The following WDFY2 variants were observed in gnomAD, a reference collection of about 807,000 sequenced individuals.
WDFY2 encodes the protein WD repeat and FYVE domain-containing protein 2.
Under a neutral mutation model 56.4 loss-of-function variants are expected in WDFY2, and 36 were observed. That is an observed-to-expected ratio of 0.64 (90% CI 0.49 to 0.84). The LOEUF (loss-of-function observed/expected upper bound fraction) is 0.84, where lower values mean the gene tolerates loss of function less well. WDFY2 is among the 40% of genes least tolerant of loss of function. The pLI, the probability that WDFY2 is intolerant of heterozygous loss-of-function variation, is 0.00. For synonymous variants in WDFY2, 176 were observed against 183.7 expected (o/e 0.96, Z 0.34); for missense variants, 444 against 512.2 (o/e 0.87, Z 1.29).
At chr13:51,695,403 C>T (rs1018162635) in intron 3 of WDFY2, among the ~76,000 whole-genome samples, 1 of 152,218 alleles carries the variant, frequency 6.6e-6, no homozygotes, top group African/African-American at 2.4e-5. Context: ...TTGTAACAGA[C>T]AGGACCCTCA....
intron 1 of WDFY2, among the ~76,000 whole-genome samples, chr13:51,632,315 T>C (rs1051536213): frequency 6.6e-6 from 1 of 152,316 alleles, no homozygotes; most frequent in East Asian, 1.9e-4. Context: ...TGAATAATTA[T>C]ATTCTAAAAA....
intron 2 of WDFY2, among the ~76,000 whole-genome samples, chr13:51,673,953 T>G (rs1305421465): frequency 6.6e-6 from 1 of 152,190 alleles, no homozygotes; most frequent in Non-Finnish European, 1.5e-5. Context: ...AGAAGGTCTT[T>G]TTGTTGTTTT....
chr13:51,681,186 G>A (rs951258506), intron 3 of WDFY2, among the ~76,000 whole-genome samples: 12 of 152,114 alleles, frequency 7.9e-5, no homozygotes, highest in African/African-American at 2.4e-4. Context: ...AGTTCACTCT[G>A]CTGGAGAGAC....
intron 1 of WDFY2, among the ~76,000 whole-genome samples, chr13:51,585,240 C>A (rs1566294889): frequency 6.6e-6 from 1 of 152,248 alleles, no homozygotes; most frequent in Non-Finnish European, 1.5e-5. Flanking sequence ...TCTCGTACAG[C>A]TCCCAGGGTT....
At chr13:51,601,125 A>G (rs1305535874) in intron 1 of WDFY2, among the ~76,000 whole-genome samples, 1 of 152,206 alleles carries the variant, frequency 6.6e-6, no homozygotes, top group Non-Finnish European at 1.5e-5. Context: ...GTAAAAACAC[A>G]TGGCTCAACA....
chr13:51,607,650 T>A (rs1225835032), intron 1 of WDFY2, among the ~76,000 whole-genome samples: 1 of 151,874 alleles, frequency 6.6e-6, no homozygotes, highest in Admixed American at 6.6e-5. Context: ...ACAACAAAAA[T>A]TCAATGTAAA....
intron 1 of WDFY2, among the ~76,000 whole-genome samples, chr13:51,600,711 G>C (rs1593860766): frequency 1.3e-5 from 2 of 152,264 alleles, no homozygotes; most frequent in African/African-American, 4.8e-5. Context: ...GGGGAGAGGA[G>C]GGAAGGGAGG....
intron 1 of WDFY2, 35 bp downstream of exon 1, chr13:51,584,859 C>T: frequency 6.2e-7 from 1 of 1,608,708 alleles, no homozygotes; most frequent in Non-Finnish European, 8.5e-7. Flanking sequence ...CGAGGAGGGG[C>T]GGGACGGGCC....
chr13:51,644,068 G>A (rs776840209), intron 1 of WDFY2, among the ~76,000 whole-genome samples: 1 of 151,788 alleles, frequency 6.6e-6, no homozygotes, highest in Non-Finnish European at 1.5e-5. Context: ...AATTGCCAAG[G>A]CTTCATAGGG....
intron 1 of WDFY2, among the ~76,000 whole-genome samples, chr13:51,633,733 A>G (rs1196490888): frequency 6.6e-6 from 1 of 152,236 alleles, no homozygotes; most frequent in Non-Finnish European, 1.5e-5. Flanking sequence ...ATTCTAGACC[A>G]TCACAGGTAA....
chr13:51,681,451 TG>T (rs1386008355), intron 3 of WDFY2, among the ~76,000 whole-genome samples: 1 of 152,184 alleles, frequency 6.6e-6, no homozygotes, highest in African/African-American at 2.4e-5. Context: ...GTGGAATCTA[TG>T]GGGCCTCCTC....
chr13:51,715,059 C>G (rs2138617212), intron 4 of WDFY2, among the ~76,000 whole-genome samples: 1 of 152,302 alleles, frequency 6.6e-6, no homozygotes, highest in Non-Finnish European at 1.5e-5. Flanking sequence ...AGGGCACTTA[C>G]CATGAATGGA....
chr13:51,732,155 G>A (rs538886639), intron 6 of WDFY2, among the ~76,000 whole-genome samples: 41 of 152,044 alleles, frequency 2.7e-4, no homozygotes, highest in African/African-American at 9.6e-4. Context: ...TTTTGAGACA[G>A]AATCTCGCTC....
At chr13:51,707,971 T>TTG (rs1952123427) in intron 4 of WDFY2, among the ~76,000 whole-genome samples, 1 of 129,434 alleles carries the variant, frequency 7.7e-6, no homozygotes, top group Non-Finnish European at 1.6e-5. Context: ...TTTTTTTTTT[T>TTG]GGAGACTGAG....
chr13:51,747,535 A>C (rs1255618278), intron 7 of WDFY2, among the ~76,000 whole-genome samples: 4 of 152,180 alleles, frequency 2.6e-5, no homozygotes, highest in Non-Finnish European at 5.9e-5. Flanking sequence ...CTTTTTAAAA[A>C]ATTGTTTGCT....
At position 51,671,150 on chromosome 13, in the gene WDFY2, A is replaced by G. The variant is rs1030537586; in HGVS notation, c.206-4020A>G. Among the ~76,000 whole-genome samples, 10 of 152,196 alleles carry G rather than the reference A, an allele frequency of 6.6e-5. No homozygotes were observed. In the East Asian group the frequency reaches 7.7e-4, roughly 12 times the overall value. ...TTTGGGCTGGTTCCATGTTTTTGCA[A>G]TTGTGAGTTGTGCTGCTATAAACAT... is the stretch of plus-strand genomic sequence containing the variant. On this transcript the variant is annotated intron_variant, in intron 2 of 11. Coordinates refer to ENST00000298125, the MANE Select transcript of WDFY2 (RefSeq NM_052950.4).
At position 51,725,959 on chromosome 13, in the gene WDFY2, G is replaced by A. The variant is rs1952595740; in HGVS notation, c.486-1719G>A. 1.3e-5 allele frequency among the ~76,000 whole-genome samples: 2 copies of A among 152,284 alleles called. 1 individual carries two copies. Among genetic ancestry groups the A allele is most frequent in the Middle Eastern group, 6.8e-3 (2 of 294 alleles). On this transcript the variant is annotated intron_variant, in intron 5 of 11. Coordinates refer to ENST00000298125, the MANE Select transcript of WDFY2 (RefSeq NM_052950.4). ...CAAAGTGCTGGGATTACAGGCATGA[G>A]CCACTGTGCCTGGCCACAAATTTTT...
intron 1 of WDFY2, among the ~76,000 whole-genome samples, chr13:51,655,220 G>T (rs1955485773): frequency 6.6e-6 from 1 of 152,100 alleles, no homozygotes; most frequent in African/African-American, 2.4e-5. Context: ...AATTACTCTG[G>T]CTGGGACTTC....
At chr13:51,659,391 T>G (rs527830625) in intron 1 of WDFY2, among the ~76,000 whole-genome samples, 3 of 152,342 alleles carry the variant, frequency 2.0e-5, no homozygotes, top group African/African-American at 7.2e-5. Flanking sequence ...CTTTTAACCC[T>G]GGGATGGCTT....
Sources: allele counts gnomAD v4.1 joint callset (sites outside exome capture counted in the v4.1 genomes callset), GRCh38; gene constraint gnomAD v4.1.1; transcripts MANE v1.5; gene names NCBI Gene and HGNC (gene_info 2026-07-23, HGNC 2026-07-21).